The following NNT variants were observed in gnomAD, a reference collection of about 807,000 sequenced individuals.
NNT encodes NAD(P) transhydrogenase, mitochondrial.
Under a neutral mutation model 104.8 loss-of-function variants are expected in NNT, and 50 were observed. That is an observed-to-expected ratio of 0.48 (90% confidence interval 0.38 to 0.60). The LOEUF (loss-of-function observed/expected upper bound fraction) is 0.60, where lower values mean the gene tolerates loss of function less well. NNT is among the 20% of genes least tolerant of loss of function. The pLI is 0.00. For missense variants in NNT, 1,131 were observed against 1,330.7 expected, an observed-to-expected ratio of 0.85 and a Z score of 2.33; for synonymous variants, 461 against 490.4, an observed-to-expected ratio of 0.94 and a Z score of 0.79.
rs574967807 is a variant in NNT, at chr5:43,706,456, G to A, written c.*2052G>A. 6.7e-6 allele frequency: 1 copy of A among 149,468 alleles called. No individual in the cohort carries two copies. The highest frequency in any genetic ancestry group is 1.5e-5 in the Non-Finnish European group (1 of 67,500). The allele number at this position is 149,468 out of a possible 1,614,324, so 9.3% of individuals were successfully genotyped here. On this transcript the variant is annotated 3_prime_UTR_variant, in exon 22 of 22. Coordinates refer to ENST00000344920, the MANE Select transcript of NNT (RefSeq NM_182977.3). ...TTAAAAAAATTTATTGTACCTTATA[G>A]TCTGTCACCAAAAAAAAAAAATTAT...
At chr5:43,696,807 A>G (rs1742580775) in intron 19 of NNT, among the ~76,000 whole-genome samples, 1 of 152,210 alleles carries the variant, frequency 6.6e-6, no homozygotes, top group African/African-American at 2.4e-5. Flanking sequence ...AGCCCAAGCT[A>G]TACCTTGGCC....
intron 7 of NNT, among the ~76,000 whole-genome samples, chr5:43,643,002 G>A (rs71629182): frequency 0.034 from 5,144 of 152,266 alleles, 136 homozygotes; most frequent in East Asian, 0.12. Flanking sequence ...ATAGCTCACT[G>A]CATCCTCGAG....
intron 17 of NNT, among the ~76,000 whole-genome samples, chr5:43,671,347 G>A (rs1280991941): frequency 6.6e-6 from 1 of 152,154 alleles, no homozygotes; most frequent in Non-Finnish European, 1.5e-5. Context: ...TGGTTATTTT[G>A]CTCGTTAGTT....
chr5:43,615,676 A>G (rs1376409703), intron 3 of NNT, among the ~76,000 whole-genome samples, 172 bp from the exon 4 acceptor site: 1 of 152,212 alleles, frequency 6.6e-6, no homozygotes, highest in Non-Finnish European at 1.5e-5. Context: ...GATAGATGGT[A>G]TACCTCTGTG....
At chr5:43,655,796 A>T in intron 14 of NNT, 44 bp from the exon 15 acceptor site, 1 of 1,448,554 alleles carries the variant, frequency 6.9e-7, no homozygotes, top group East Asian at 2.3e-5. Context: ...GTTACTTCTC[A>T]AAAGTTTGTC....
intron 7 of NNT, among the ~76,000 whole-genome samples, chr5:43,637,143 G>A (rs1163221661): frequency 6.6e-6 from 1 of 152,006 alleles, no homozygotes; most frequent in Non-Finnish European, 1.5e-5. Flanking sequence ...TTAAGCTTGG[G>A]CCAGAATCTC....
intron 19 of NNT, among the ~76,000 whole-genome samples, chr5:43,682,954 G>A (rs1411152414): frequency 6.6e-6 from 1 of 152,160 alleles, no homozygotes; most frequent in Non-Finnish European, 1.5e-5. Context: ...GAGATTATAA[G>A]CCCATTTGTC....
Position 43,704,637 on chromosome 5 carries a change from T to C in NNT, c.*233T>C, listed in dbSNP as rs996992904. ...GTCTTTCTGTGCATATTTTTTGTGTTAGGAATCAAAAGTATTTTATAAAAG... is the reference window on the plus strand; with the variant it reads ...GTCTTTCTGTGCATATTTTTTGTGTCAGGAATCAAAAGTATTTTATAAAAG... On this transcript the variant is annotated 3_prime_UTR_variant, in exon 22 of 22. Coordinates refer to ENST00000344920, the MANE Select transcript of NNT (RefSeq NM_182977.3). 10 of 417,650 alleles carry C rather than the reference T, an allele frequency of 2.4e-5. No homozygotes were observed. Among genetic ancestry groups the C allele is most frequent in the African/African-American group, 1.7e-4 (8 of 47,364 alleles). 25.9% of individuals were successfully genotyped at this position (417,650 alleles called of 1,614,324 possible). A position where few individuals can be genotyped will look rare whatever the true frequency, so the allele number is the denominator to read the frequency against.
chr5:43,673,896 T>G (rs1741266034), intron 17 of NNT, among the ~76,000 whole-genome samples: 1 of 152,034 alleles, frequency 6.6e-6, no homozygotes, highest in African/African-American at 2.4e-5. Context: ...GGCATGCACC[T>G]GTAATCCCCA....
intron 7 of NNT, among the ~76,000 whole-genome samples, chr5:43,641,144 T>C (rs894868288): frequency 6.6e-6 from 1 of 152,154 alleles, no homozygotes; most frequent in Non-Finnish European, 1.5e-5. Flanking sequence ...GCATTTATTA[T>C]GCATTATACT....
At chr5:43,608,895 G>T (rs1749359240) in intron 1 of NNT, among the ~76,000 whole-genome samples, 2 of 152,166 alleles carry the variant, frequency 1.3e-5, no homozygotes, top group Non-Finnish European at 2.9e-5. Flanking sequence ...GCTTGGAATT[G>T]AATAGTGAGT....
chr5:43,639,694 G>T (rs1193179339), intron 7 of NNT, among the ~76,000 whole-genome samples: 1 of 152,090 alleles, frequency 6.6e-6, no homozygotes, highest in East Asian at 1.9e-4. Context: ...GACTGTGAGA[G>T]CTTGATGTCC....
intron 7 of NNT, among the ~76,000 whole-genome samples, chr5:43,631,143 G>A (rs573226567): frequency 1.3e-5 from 2 of 152,268 alleles, no homozygotes; most frequent in East Asian, 1.9e-4. Flanking sequence ...CCCCCAGAGC[G>A]GCTAGATGAA....
rs1157428644 is a variant in NNT at position 43,656,697 on chromosome 5, C to T, written c.2338C>T (p.Leu780Phe). The T allele has an allele frequency of 3.7e-6, 6 of 1,614,012 alleles. No individual in the cohort carries two copies. Among genetic ancestry groups the T allele is most frequent in the Non-Finnish European group, 5.1e-6 (6 of 1,179,994 alleles). ...TCTCCTACTGCCTGGAAGGCACTTA[C>T]TCAATGCAGGCTTACTGGCTGCTAG... ...APLLLPGRHL[L>F]NAGLLAASVG... is the part of the protein sequence containing the mutation. The change falls in exon 16 of 22, where the codon CTC becomes TTC. Residue 780 changes from leucine to phenylalanine, a missense_variant. Leu to Phe is a conservative substitution (Grantham distance 22, BLOSUM62 0). Coordinates refer to ENST00000344920, the MANE Select transcript of NNT (RefSeq NM_182977.3).
At chr5:43,604,843 T>A (rs921106538) in intron 1 of NNT, among the ~76,000 whole-genome samples, 4 of 141,624 alleles carry the variant, frequency 2.8e-5, no homozygotes, top group African/African-American at 1.0e-4. Context: ...TGCTAATTAA[T>A]TTTTTTTTTT....
At chr5:43,668,052 C>A (rs1449608910) in intron 17 of NNT, among the ~76,000 whole-genome samples, 1 of 152,206 alleles carries the variant, frequency 6.6e-6, no homozygotes, top group Non-Finnish European at 1.5e-5. Flanking sequence ...TGTCTTTTGG[C>A]TGCATAAATG....
In NNT at chr5:43,653,005, T is replaced by C; in HGVS notation, c.1864-13T>C. ...GGTTTTAATAATCTCTCTCTCACTTTTCCTTTGAAAAGATCATGTACCTAG... is the reference window on the plus strand; with the variant it reads ...GGTTTTAATAATCTCTCTCTCACTTCTCCTTTGAAAAGATCATGTACCTAG... On this transcript the variant is annotated splice_polypyrimidine_tract_variant and intron_variant, in intron 13 of 21. Coordinates refer to ENST00000344920, the MANE Select transcript of NNT (RefSeq NM_182977.3). The C allele has an allele frequency of 6.3e-7, 1 of 1,592,764 alleles. No homozygotes were observed. Among genetic ancestry groups the C allele is most frequent in the Middle Eastern group, 1.7e-4 (1 of 5,960 alleles).
chr5:43,647,083 C>A (rs1396945651), intron 10 of NNT, among the ~76,000 whole-genome samples: 1 of 152,112 alleles, frequency 6.6e-6, no homozygotes, highest in Non-Finnish European at 1.5e-5. Context: ...AGGACCAGCA[C>A]CAGGCGCATA....
chr5:43,689,988 T>A (rs1742180413), intron 19 of NNT, among the ~76,000 whole-genome samples: 1 of 150,746 alleles, frequency 6.6e-6, no homozygotes, highest in South Asian at 2.1e-4. Context: ...TAAAAAAAAA[T>A]GAACAAAGCC....
Sources: allele counts gnomAD v4.1 joint callset (sites outside exome capture counted in the v4.1 genomes callset), GRCh38; gene constraint gnomAD v4.1.1; transcripts MANE v1.5; gene names NCBI Gene and HGNC (gene_info 2026-07-23, HGNC 2026-07-21).